The following DNAJA3 variants were observed in gnomAD, a reference collection of about 807,000 sequenced individuals.
The protein encoded by DNAJA3 is DnaJ heat shock protein family (Hsp40) member A3, also known as dnaJ homolog subfamily A member 3, mitochondrial.
A neutral mutation model predicts 54.9 loss-of-function variants in DNAJA3; 29 were observed. The observed-to-expected ratio is 0.53, with a 90% CI of 0.39 to 0.72. The LOEUF (loss-of-function observed/expected upper bound fraction) is 0.72, where lower values mean the gene tolerates loss of function less well. Ranked by LOEUF, DNAJA3 falls within the 30% of genes least tolerant of loss-of-function variation. The pLI, the probability that DNAJA3 is intolerant of heterozygous loss-of-function variation, is 0.00. For missense variants in DNAJA3, 708 were observed against 639.4 expected, an observed-to-expected ratio of 1.11 and a Z score of -1.16; for synonymous variants, 302 against 251.4, an observed-to-expected ratio of 1.20 and a Z score of -1.90.
At chr16:4,436,637 G>A (rs2056775841) in intron 2 of DNAJA3, among the ~76,000 whole-genome samples, 1 of 152,072 alleles carries the variant, frequency 6.6e-6, no homozygotes, top group African/African-American at 2.4e-5. Context: ...CTGGGCTCAA[G>A]CAATTCTCCT....
intron 7 of DNAJA3, 94 bp downstream of exon 7, chr16:4,444,822 G>T (rs1227200237): frequency 1.7e-6 from 2 of 1,160,566 alleles, no homozygotes; most frequent in Non-Finnish European, 2.5e-6. Flanking sequence ...AGCTTCACAG[G>T]AACATGTCTC....
At chr16:4,427,686 T>A (rs916320086) in intron 1 of DNAJA3, among the ~76,000 whole-genome samples, 1 of 152,206 alleles carries the variant, frequency 6.6e-6, no homozygotes, top group African/African-American at 2.4e-5. Context: ...TATTTAATTA[T>A]TTTTTAAGAC....
In DNAJA3 at chr16:4,447,121, G is replaced by T. The variant is rs35692056; in HGVS notation, c.1125+107G>T. 1,369 of 1,350,246 alleles carry T rather than the reference G, an allele frequency of 1.0e-3. 10 individuals are homozygous for T. The African/African-American group carries it at 0.015, about 15-fold the overall frequency. The allele number at this position is 1,350,246 out of a possible 1,614,324, so 83.6% of individuals were successfully genotyped here. A position where few individuals can be genotyped will look rare whatever the true frequency, so the allele number is the denominator to read the frequency against. Reference sequence around the variant, plus strand: ...TGGAACCCATGAGTGACCAGCATGTGGGGGGGCACTCACAGGGGAGGACAT... The same window carrying T: ...TGGAACCCATGAGTGACCAGCATGTTGGGGGGCACTCACAGGGGAGGACAT... On this transcript the variant is annotated intron_variant, in intron 8 of 11. Coordinates refer to ENST00000262375, the MANE Select transcript of DNAJA3 (RefSeq NM_005147.6).
intron 3 of DNAJA3, among the ~76,000 whole-genome samples, chr16:4,438,045 G>A (rs1449746821): frequency 1.3e-5 from 2 of 152,056 alleles, no homozygotes; most frequent in African/African-American, 4.8e-5. Context: ...GGCCAGGCGT[G>A]GTGGCTCATG....
chr16:4,428,721 G>A (rs972450134), intron 1 of DNAJA3, among the ~76,000 whole-genome samples: 1 of 152,018 alleles, frequency 6.6e-6, no homozygotes, highest in African/African-American at 2.4e-5. Flanking sequence ...CATCCTTCAG[G>A]GTACGTGCTG....
At chr16:4,454,221 G>A (rs954923995) in intron 10 of DNAJA3, among the ~76,000 whole-genome samples, 9 of 152,182 alleles carry the variant, frequency 5.9e-5, no homozygotes, top group Non-Finnish European at 7.3e-5. Flanking sequence ...GGGTCTTTGC[G>A]CACACAGCAG....
intron 1 of DNAJA3, 112 bp from the exon 2 acceptor site, chr16:4,434,270 AAC>A: frequency 1.6e-6 from 2 of 1,254,018 alleles, no homozygotes; most frequent in East Asian, 4.7e-5. Flanking sequence ...GACACAGCCA[AAC>A]CTTATCAGTT....
chr16:4,430,290 A>G (rs575202761), intron 1 of DNAJA3, among the ~76,000 whole-genome samples: 39 of 152,030 alleles, frequency 2.6e-4, no homozygotes, highest in African/African-American at 9.2e-4. Flanking sequence ...GTTGGTGGCC[A>G]GGTATGGTGG....
intron 9 of DNAJA3, among the ~76,000 whole-genome samples, chr16:4,449,341 C>T (rs1362696731): frequency 1.3e-5 from 2 of 152,072 alleles, no homozygotes; most frequent in African/African-American, 2.4e-5. Flanking sequence ...AAATGAACAA[C>T]ACATAGGAAT....
chr16:4,441,665 C>G (rs761657271), intron 4 of DNAJA3, 90 bp downstream of exon 4: 5 of 1,364,278 alleles, frequency 3.7e-6, no homozygotes, highest in Non-Finnish European at 5.1e-6. Flanking sequence ...CTCAGAAAGG[C>G]AAGGCAGCTT....
At chr16:4,429,868 C>G (rs2056673849) in intron 1 of DNAJA3, among the ~76,000 whole-genome samples, 1 of 151,866 alleles carries the variant, frequency 6.6e-6, no homozygotes, top group African/African-American at 2.4e-5. Context: ...ATGGTGGCAA[C>G]TGCCTGTACT....
At chr16:4,443,941 T>C (rs923749030) in intron 6 of DNAJA3, among the ~76,000 whole-genome samples, 5 of 152,180 alleles carry the variant, frequency 3.3e-5, no homozygotes, top group African/African-American at 1.2e-4. Flanking sequence ...CCGCCTCGGC[T>C]TCCCAAAGTG....
intron 1 of DNAJA3, chr16:4,426,919 C>CT (rs1474101246): frequency 7.1e-4 from 108 of 151,902 alleles, no homozygotes; most frequent in African/African-American, 2.5e-3. Flanking sequence ...CTTTTCTTTT[C>CT]TTTTCTTTTT....
At chr16:4,439,303 C>T (rs573710618) in intron 3 of DNAJA3, among the ~76,000 whole-genome samples, 42 of 149,956 alleles carry the variant, frequency 2.8e-4, no homozygotes, top group African/African-American at 8.6e-4. Context: ...ATCAGTGAGC[C>T]GAAGATTGCG....
chr16:4,446,082 C>T (rs1242065005), intron 7 of DNAJA3, among the ~76,000 whole-genome samples: 1 of 150,758 alleles, frequency 6.6e-6, no homozygotes, highest in Non-Finnish European at 1.5e-5. Flanking sequence ...CCACTACACC[C>T]AGGTAATTTT....
intron 7 of DNAJA3, 139 bp from the exon 8 acceptor site, chr16:4,446,747 C>CT (rs1307336360): frequency 2.0e-6 from 2 of 1,009,746 alleles, no homozygotes; most frequent in Non-Finnish European, 2.9e-6. Flanking sequence ...AAGGACAGTT[C>CT]TTTCCCTCAA....
At chr16:4,450,279 T>TCACA (rs1465316021) in intron 9 of DNAJA3, 121 bp from the exon 10 acceptor site, 8 of 712,058 alleles carry the variant, frequency 1.1e-5, no homozygotes, top group Non-Finnish European at 1.9e-5. Flanking sequence ...GCTCAGGGTG[T>TCACA]CCGCCCCTGC....
chr16:4,453,665 C>T (rs1031166896), intron 10 of DNAJA3, among the ~76,000 whole-genome samples: 5 of 152,100 alleles, frequency 3.3e-5, no homozygotes, highest in Admixed American at 3.3e-4. Flanking sequence ...CTCCTGAGCT[C>T]AGGCAATCCG....
At chr16:4,434,641 G>A in intron 2 of DNAJA3, 124 bp downstream of exon 2, 1 of 1,193,904 alleles carries the variant, frequency 8.4e-7, no homozygotes, top group Middle Eastern at 2.0e-4. Context: ...TAGTATAGAA[G>A]GGTGTGATAA....
Sources: gnomAD v4.1 joint callset for allele counts (sites outside exome capture counted in the v4.1 genomes callset) on GRCh38, gnomAD v4.1.1 for gene constraint, MANE v1.5 for transcripts, NCBI Gene and HGNC (gene_info 2026-07-23, HGNC 2026-07-21) for gene names.